DYNC1I1: variants seen among roughly 807,000 people sequenced by gnomAD.
The protein encoded by DYNC1I1 is cytoplasmic dynein 1 intermediate chain 1.
Under a neutral mutation model 86.6 loss-of-function variants are expected in DYNC1I1, and 43 were observed. The observed-to-expected ratio is 0.50, with a 90% CI of 0.39 to 0.64. The LOEUF (loss-of-function observed/expected upper bound fraction) is 0.64, where lower values mean the gene tolerates loss of function less well. Ranked by LOEUF, DYNC1I1 falls within the 30% of genes least tolerant of loss-of-function variation. The pLI, the probability that DYNC1I1 is intolerant of heterozygous loss-of-function variation, is 0.00. For missense variants in DYNC1I1, 604 were observed against 788.8 expected (o/e 0.77, Z 2.81); for synonymous variants, 262 against 283.7 (o/e 0.92, Z 0.77).
intron 6 of DYNC1I1, among the ~76,000 whole-genome samples, chr7:95,931,586 A>C (rs1457819520): frequency 6.6e-6 from 1 of 152,196 alleles, no homozygotes; most frequent in African/African-American, 2.4e-5. Flanking sequence ...TCTAGTTCAG[A>C]GGTCAGCAAG....
At chr7:95,852,729 C>T (rs1352452037) in intron 5 of DYNC1I1, among the ~76,000 whole-genome samples, 1 of 152,158 alleles carries the variant, frequency 6.6e-6, no homozygotes, top group Non-Finnish European at 1.5e-5. Context: ...TGGTCTTGAA[C>T]TCCTGACCTC....
At chr7:95,881,473 CTT>C (rs1156850582) in intron 6 of DYNC1I1, among the ~76,000 whole-genome samples, 25 of 152,344 alleles carry the variant, frequency 1.6e-4, no homozygotes, top group Admixed American at 1.6e-3. Context: ...TTTGATAACA[CTT>C]CAGATGATTT....
At chr7:95,817,702 A>G (rs1157228290) in intron 4 of DYNC1I1, among the ~76,000 whole-genome samples, 1 of 152,206 alleles carries the variant, frequency 6.6e-6, no homozygotes, top group Non-Finnish European at 1.5e-5. Context: ...AAGGCAAAGG[A>G]CAGATTGTAA....
intron 6 of DYNC1I1, among the ~76,000 whole-genome samples, chr7:95,941,254 G>A (rs1385357953): frequency 6.6e-6 from 1 of 151,944 alleles, no homozygotes; most frequent in South Asian, 2.1e-4. Context: ...CAGGGGTCAG[G>A]GACCCACTTG....
chr7:96,076,046 C>T lies in DYNC1I1; in HGVS notation c.1510-11C>T. The T allele has an allele frequency of 3.1e-6, 5 of 1,612,776 alleles. No individual in the cohort carries two copies. In the South Asian group the frequency reaches 3.3e-5, roughly 11 times the overall value. On this transcript the variant is annotated splice_polypyrimidine_tract_variant and intron_variant, in intron 14 of 16. Coordinates refer to ENST00000447467, the MANE Select transcript of DYNC1I1 (RefSeq NM_001135556.2). ...GCGCCACAAAGTCTTCACGGTCTCT[C>T]TGCTTTACAGCACAACAAGCCGCTC...
chr7:96,045,852 G>A (rs540712656), intron 14 of DYNC1I1, among the ~76,000 whole-genome samples: 1 of 152,278 alleles, frequency 6.6e-6, no homozygotes, highest in South Asian at 2.1e-4. Flanking sequence ...AGTACTAATA[G>A]AGATTTCTAG....
At chr7:95,922,858 C>G (rs891925033) in intron 6 of DYNC1I1, among the ~76,000 whole-genome samples, 2 of 150,722 alleles carry the variant, frequency 1.3e-5, no homozygotes, top group Non-Finnish European at 3.0e-5. Context: ...ATTTTTTTTT[C>G]TAAAAATGGA....
At chr7:96,087,467 T>G (rs1482029396) in intron 16 of DYNC1I1, among the ~76,000 whole-genome samples, 1 of 152,206 alleles carries the variant, frequency 6.6e-6, no homozygotes, top group Non-Finnish European at 1.5e-5. Flanking sequence ...CACTGGTGTT[T>G]CTCATTAAAT....
intron 15 of DYNC1I1, among the ~76,000 whole-genome samples, chr7:96,077,564 AG>A (rs1440724191): frequency 2.0e-5 from 3 of 152,166 alleles, no homozygotes. Context: ...CTACATTGTA[AG>A]GGTTTCCCAG....
chr7:95,867,588 T>G (rs895480647), intron 5 of DYNC1I1, among the ~76,000 whole-genome samples: 7 of 152,220 alleles, frequency 4.6e-5, no homozygotes, highest in Non-Finnish European at 7.3e-5. Context: ...CAGCACCTGT[T>G]GCTGGTCCCA....
At chr7:95,777,903 T>C (rs980835643) in intron 1 of DYNC1I1, among the ~76,000 whole-genome samples, 1 of 152,196 alleles carries the variant, frequency 6.6e-6, no homozygotes, top group Admixed American at 6.5e-5. Context: ...CTCCATCACC[T>C]CCACACATTT....
Position 96,059,133 on chromosome 7 carries a change from C to T in DYNC1I1, c.1510-16924C>T, listed in dbSNP as rs1449248969. On this transcript the variant is annotated intron_variant, in intron 14 of 16. Transcript: ENST00000447467. Reference sequence around the variant, plus strand: ...GTATGTGTGTTTCTGTTTAAAGACACTTGATTTAATGTGTATTGTTGGTTC... The same window carrying T: ...GTATGTGTGTTTCTGTTTAAAGACATTTGATTTAATGTGTATTGTTGGTTC... 3.3e-5 allele frequency among the ~76,000 whole-genome samples: 5 copies of T among 152,150 alleles called. No individual in the cohort carries two copies. The East Asian group carries it at 5.8e-4, about 18-fold the overall frequency.
intron 6 of DYNC1I1, among the ~76,000 whole-genome samples, chr7:95,916,386 T>C (rs1791467854): frequency 6.6e-6 from 1 of 151,278 alleles, no homozygotes; most frequent in Non-Finnish European, 1.5e-5. Flanking sequence ...CTGGCCTAAA[T>C]TATGTGAGTT....
At chr7:96,068,136 C>T (rs955845322) in intron 14 of DYNC1I1, among the ~76,000 whole-genome samples, 10 of 152,106 alleles carry the variant, frequency 6.6e-5, no homozygotes, top group Non-Finnish European at 1.5e-4. Context: ...AGACTATTTT[C>T]CCACTGCCAC....
chr7:96,034,022 A>G (rs1021043116), intron 12 of DYNC1I1, among the ~76,000 whole-genome samples: 1 of 149,742 alleles, frequency 6.7e-6, no homozygotes, highest in Non-Finnish European at 1.5e-5. Flanking sequence ...GAAAAAAATA[A>G]TTATTATTAT....
At chr7:96,061,073 T>C (rs1202601234) in intron 14 of DYNC1I1, among the ~76,000 whole-genome samples, 1 of 152,118 alleles carries the variant, frequency 6.6e-6, no homozygotes, top group Non-Finnish European at 1.5e-5. Context: ...GGAGAGAGAA[T>C]AGTACATTCT....
rs762080244 is a variant in DYNC1I1 at position 96,080,369 on chromosome 7, A to G, written c.1657A>G (p.Thr553Ala). The G allele has an allele frequency of 8.1e-6, 13 of 1,603,970 alleles. No homozygotes were observed. The East Asian group carries it at 2.9e-4, about 36-fold the overall frequency. ...WNLNNDTEVP[T>A]ASVAIEGASA... is the part of the protein sequence containing the mutation. Reference sequence around the variant, plus strand: ...GTTGTGAACCCTTTGGCAGGTTCCAACAGCAAGTGTGGCCATTGAGGGGGC... The same window carrying G: ...GTTGTGAACCCTTTGGCAGGTTCCAGCAGCAAGTGTGGCCATTGAGGGGGC... Residue 553 changes from threonine to alanine, a missense_variant, in exon 16 of 17, where the codon ACA (threonine) becomes GCA (alanine). Transcript: ENST00000447467.
At chr7:95,864,645 C>T (rs1188371009) in intron 5 of DYNC1I1, among the ~76,000 whole-genome samples, 1 of 152,116 alleles carries the variant, frequency 6.6e-6, no homozygotes, top group Admixed American at 6.5e-5. Flanking sequence ...ATCTGTCTGA[C>T]TTTTTAGTTT....
chr7:95,802,204 A>G (rs985429327), intron 1 of DYNC1I1, among the ~76,000 whole-genome samples: 3 of 151,848 alleles, frequency 2.0e-5, no homozygotes, highest in Admixed American at 2.0e-4. Flanking sequence ...GAGTTTTTTC[A>G]CCATTTTCCT....
Sources: gnomAD v4.1 joint callset for allele counts (sites outside exome capture counted in the v4.1 genomes callset) on GRCh38, gnomAD v4.1.1 for gene constraint, MANE v1.5 for transcripts, NCBI Gene and HGNC (gene_info 2026-07-23, HGNC 2026-07-21) for gene names.